The following SLC14A2 variants were observed in gnomAD, a reference collection of about 807,000 sequenced individuals.
The protein encoded by SLC14A2 is solute carrier family 14 member 2.
In SLC14A2, 91 loss-of-function variants were observed where a neutral mutation model predicts 104.6. The ratio of observed to expected loss-of-function variants is 0.87; its 90% CI spans 0.73 to 1.04. SLC14A2 has a LOEUF of 1.04. Among genes scored for constraint, SLC14A2 ranks in the 50% least tolerant of loss-of-function variants. The pLI is 0.00. For missense variants in SLC14A2, 1,189 were observed against 1,156.0 expected (o/e 1.03, Z -0.41); for synonymous variants, 476 against 466.4 (o/e 1.02, Z -0.27).
intron 1 of SLC14A2, among the ~76,000 whole-genome samples, chr18:45,239,767 A>G (rs2084292175): frequency 6.6e-6 from 1 of 152,218 alleles, no homozygotes; most frequent in African/African-American, 2.4e-5. Context: ...TTCTAGAAAA[A>G]CAAAATGCAA....
chr18:45,322,152 C>T (rs931507538), intron 1 of SLC14A2, among the ~76,000 whole-genome samples: 1 of 152,094 alleles, frequency 6.6e-6, no homozygotes, highest in Non-Finnish European at 1.5e-5. Context: ...GAATAAATGG[C>T]AAATACTTTC....
chr18:45,236,668 T>C (rs1347097442), intron 1 of SLC14A2, among the ~76,000 whole-genome samples: 1 of 151,690 alleles, frequency 6.6e-6, no homozygotes, highest in East Asian at 1.9e-4. Context: ...CTTTCATCAA[T>C]GGACACTGAT....
intron 1 of SLC14A2, among the ~76,000 whole-genome samples, chr18:45,419,773 CAAAA>C (rs56030142): frequency 7.2e-6 from 1 of 138,740 alleles, no homozygotes. Context: ...GACTCCAACT[CAAAA>C]AAAAAAAAAA....
At chr18:45,252,156 A>G (rs2084430164) in intron 1 of SLC14A2, among the ~76,000 whole-genome samples, 2 of 152,206 alleles carry the variant, frequency 1.3e-5, no homozygotes, top group Admixed American at 1.3e-4. Flanking sequence ...TCTGGCCTGG[A>G]CAGACCCTGC....
At chr18:45,648,998 T>C (rs9951516) in intron 10 of SLC14A2, among the ~76,000 whole-genome samples, 82,478 of 151,860 alleles carry the variant, frequency 0.54, 23,177 homozygotes, top group African/African-American at 0.69. Context: ...GGTGAAACCC[T>C]GTCTCTACTA....
chr18:45,478,597 C>T (rs183330088), intron 1 of SLC14A2, among the ~76,000 whole-genome samples: 6 of 152,226 alleles, frequency 3.9e-5, no homozygotes, highest in Admixed American at 1.3e-4. Flanking sequence ...AATTCTGGCT[C>T]ATATTTGACT....
chr18:45,210,062 G>A (rs981867347), upstream of SLC14A2, among the ~76,000 whole-genome samples: 2 of 152,164 alleles, frequency 1.3e-5, no homozygotes, highest in Non-Finnish European at 2.9e-5. Flanking sequence ...TATCCATGTA[G>A]GCAACCCCTA....
chr18:45,248,641 C>T (rs749165574), intron 1 of SLC14A2, among the ~76,000 whole-genome samples: 2 of 152,222 alleles, frequency 1.3e-5, no homozygotes, highest in African/African-American at 2.4e-5. Flanking sequence ...AGACATGGCT[C>T]TCCAACCAAT....
intron 10 of SLC14A2, among the ~76,000 whole-genome samples, chr18:45,652,259 T>C (rs953447266): frequency 3.3e-5 from 5 of 152,232 alleles, no homozygotes; most frequent in Non-Finnish European, 7.3e-5. Flanking sequence ...AGACTTTTTT[T>C]ACTTGCCTGG....
At chr18:45,245,224 G>A (rs1490250427) in intron 1 of SLC14A2, among the ~76,000 whole-genome samples, 1 of 152,172 alleles carries the variant, frequency 6.6e-6, no homozygotes, top group Non-Finnish European at 1.5e-5. Flanking sequence ...TTGAGGTTTA[G>A]GCCCTGGGGA....
chr18:45,584,904 G>A, intron 2 of SLC14A2, among the ~76,000 whole-genome samples: 1 of 152,330 alleles, frequency 6.6e-6, no homozygotes, highest in South Asian at 2.1e-4. Context: ...GCAGATCTTA[G>A]TGGGAGATTC....
chr18:45,394,245 C>T (rs2086004301), intron 1 of SLC14A2, among the ~76,000 whole-genome samples: 1 of 152,194 alleles, frequency 6.6e-6, no homozygotes, highest in Non-Finnish European at 1.5e-5. Context: ...AAGCTGTCAG[C>T]AGTCACTTTG....
intron 1 of SLC14A2, among the ~76,000 whole-genome samples, chr18:45,441,785 T>G (rs2086686005): frequency 6.6e-6 from 1 of 152,150 alleles, no homozygotes; most frequent in Non-Finnish European, 1.5e-5. Flanking sequence ...TCAGAAACAA[T>G]ATGAAGCATG....
At chr18:45,522,170 A>G (rs1279114552) in intron 2 of SLC14A2, among the ~76,000 whole-genome samples, 1 of 152,240 alleles carries the variant, frequency 6.6e-6, no homozygotes, top group Non-Finnish European at 1.5e-5. Flanking sequence ...AAATGGGAGC[A>G]TGCATGTTAA....
rs569000435 is a variant in SLC14A2, at chr18:45,483,932, G to A, written c.-35+610G>A. 4.7e-5 allele frequency among the ~76,000 whole-genome samples: 7 copies of A among 150,122 alleles called. No individual in the cohort carries two copies. In the East Asian group the frequency reaches 1.4e-3, roughly 30 times the overall value. On this transcript the variant is annotated intron_variant, in intron 2 of 20. Transcript: ENST00000586448. The stretch of plus-strand genomic sequence containing the variant: ...TGCGCTGGCATCAGTGGGGGAGGAG[G>A]GTAATAGCCTCAAAGATGGCAGAGG...
chr18:45,328,235 G>A (rs910203580), intron 1 of SLC14A2, among the ~76,000 whole-genome samples: 1 of 152,178 alleles, frequency 6.6e-6, no homozygotes, highest in Admixed American at 6.5e-5. Context: ...TCCTCCTGAA[G>A]GTGCTTGTGT....
At chr18:45,370,470 C>T (rs1297380922) in intron 1 of SLC14A2, among the ~76,000 whole-genome samples, 1 of 152,158 alleles carries the variant, frequency 6.6e-6, no homozygotes, top group African/African-American at 2.4e-5. Flanking sequence ...ATAAATGCAG[C>T]CCTCACTTTG....
rs199859786 is a variant in SLC14A2 at position 45,627,111 on chromosome 18, T to A, written c.485T>A (p.Val162Asp). The A allele has an allele frequency of 6.2e-7, 1 of 1,613,988 alleles. No homozygotes were observed. The highest frequency in any genetic ancestry group is 8.5e-7 in the Non-Finnish European group (1 of 1,180,022). Residue 162 changes from valine to aspartate, a missense_variant, in exon 4 of 20, where the codon GTC (valine) becomes GAC (aspartate). Physicochemically the swap from Val to Asp is radical, Grantham distance 152. Coordinates refer to ENST00000255226, the MANE Select transcript of SLC14A2 (RefSeq NM_007163.4). ...ATCACTGGGGGCCTGGGGACAGTGG[T>A]CTCGACCTTAACAGCTCTCGCCTTG... Reference protein sequence around the residue: ...WTITGGLGTVVSTLTALALGQ... With the variant: ...WTITGGLGTVDSTLTALALGQ...
At chr18:45,268,703 C>T (rs1050344818) in intron 1 of SLC14A2, among the ~76,000 whole-genome samples, 4 of 152,192 alleles carry the variant, frequency 2.6e-5, no homozygotes, top group African/African-American at 7.2e-5. Context: ...AAAGTCTGGA[C>T]TGCAGGCATT....
Sources: gnomAD v4.1 joint callset for allele counts (sites outside exome capture counted in the v4.1 genomes callset) on GRCh38, gnomAD v4.1.1 for gene constraint, MANE v1.5 for transcripts, NCBI Gene and HGNC (gene_info 2026-07-23, HGNC 2026-07-21) for gene names.